Variants in SH3KBP1 observed in about 807,000 individuals in gnomAD.
SH3KBP1 encodes the protein SH3 domain-containing kinase-binding protein 1.
A neutral mutation model predicts 50.1 loss-of-function variants in SH3KBP1; 8 were observed. The ratio of observed to expected loss-of-function variants is 0.16; its 90% CI spans 0.09 to 0.29. The LOEUF is 0.29. SH3KBP1 is among the 10% of genes least tolerant of loss of function. The pLI, the probability that SH3KBP1 is intolerant of heterozygous loss-of-function variation, is 1.00. For synonymous variants in SH3KBP1, 227 were observed against 218.6 expected, an observed-to-expected ratio of 1.04 and a Z score of -0.34; for missense variants, 377 against 535.2, an observed-to-expected ratio of 0.70 and a Z score of 2.92.
At chrX:19,576,855 T>C (rs1259617020) in intron 12 of SH3KBP1, among the ~76,000 whole-genome samples, 1 of 111,517 alleles carries the variant, frequency 9.0e-6, no homozygotes, top group Admixed American at 9.4e-5. Context: ...TGTCAGCTAT[T>C]CCAGGGACCA....
At chrX:19,554,660 C>G (rs757149326) in intron 13 of SH3KBP1, among the ~76,000 whole-genome samples, 1 of 110,716 alleles carries the variant, frequency 9.0e-6, no homozygotes, top group Non-Finnish European at 1.9e-5. Context: ...CCTCGGCCTC[C>G]CAAAGTGCTG....
chrX:19,698,605 C>T (rs2063475535), intron 4 of SH3KBP1, among the ~76,000 whole-genome samples: 3 of 111,943 alleles, frequency 2.7e-5, no homozygotes, highest in South Asian at 7.5e-4. Flanking sequence ...GGGCACGATG[C>T]TCATTTTTCT....
chrX:19,876,366 CA>C (rs1014249558), intron 1 of SH3KBP1, among the ~76,000 whole-genome samples: 2 of 110,713 alleles, frequency 1.8e-5, no homozygotes, highest in African/African-American at 6.6e-5. Flanking sequence ...GTCAAGAAAA[CA>C]AAAACAAACA....
chrX:19,585,667 C>T (rs2066544034), intron 12 of SH3KBP1, among the ~76,000 whole-genome samples: 1 of 108,465 alleles, frequency 9.2e-6, no homozygotes, highest in Admixed American at 9.9e-5. Context: ...ATGGGTGTCA[C>T]GGTGTGGATT....
chrX:19,859,892 T>C (rs1053133270), intron 1 of SH3KBP1, among the ~76,000 whole-genome samples: 1 of 111,369 alleles, frequency 9.0e-6, no homozygotes, highest in Non-Finnish European at 1.9e-5. Flanking sequence ...CAGTCAGGGA[T>C]GGGAAACACA....
intron 2 of SH3KBP1, among the ~76,000 whole-genome samples, chrX:19,753,068 C>T (rs2065112435): frequency 8.9e-6 from 1 of 112,045 alleles, no homozygotes; most frequent in African/African-American, 3.2e-5. Flanking sequence ...TATTGGCACA[C>T]AGAGCAGGCT....
At chrX:19,818,073 G>A (rs749566397) in intron 2 of SH3KBP1, among the ~76,000 whole-genome samples, 4 of 112,186 alleles carry the variant, frequency 3.6e-5, no homozygotes, top group East Asian at 5.6e-4. Flanking sequence ...TATCACCTAC[G>A]TTTGTATAAG....
chrX:19,673,268 A>G (rs1213621939), intron 6 of SH3KBP1, among the ~76,000 whole-genome samples: 1 of 111,325 alleles, frequency 9.0e-6, no homozygotes, highest in Non-Finnish European at 1.9e-5. Context: ...GTATATATAA[A>G]TAAACACATA....
chrX:19,730,026 A>G (rs1281962656), intron 3 of SH3KBP1, among the ~76,000 whole-genome samples: 2 of 111,228 alleles, frequency 1.8e-5, no homozygotes, highest in Non-Finnish European at 3.8e-5. Context: ...TTTTGTACAT[A>G]GTTTCAACTG....
chrX:19,836,056 G>A (rs1442029547), intron 2 of SH3KBP1, 69 bp downstream of exon 2: 4 of 1,017,274 alleles, frequency 3.9e-6, no homozygotes, highest in Non-Finnish European at 5.4e-6. Flanking sequence ...TCATCCTCAA[G>A]CGCCCCCATA....
chrX:19,598,989 T>TA (rs952430943), intron 9 of SH3KBP1, among the ~76,000 whole-genome samples: 2 of 111,976 alleles, frequency 1.8e-5, no homozygotes, highest in African/African-American at 6.5e-5. Context: ...ATTGAATTTG[T>TA]AAAAAACGCA....
chrX:19,639,167 G>A (rs1368983468), intron 7 of SH3KBP1, among the ~76,000 whole-genome samples: 1 of 111,328 alleles, frequency 9.0e-6, no homozygotes, highest in African/African-American at 3.3e-5. Context: ...AATGAAACAC[G>A]ATGTGTCCGT....
chrX:19,721,105 G>C (rs773166487), intron 3 of SH3KBP1, among the ~76,000 whole-genome samples: 6 of 110,796 alleles, frequency 5.4e-5, no homozygotes, highest in Admixed American at 2.9e-4. Context: ...ATCCCCATCA[G>C]AATAAAGAGG....
At chrX:19,650,302 T>C (rs751863669) in intron 6 of SH3KBP1, among the ~76,000 whole-genome samples, 95 of 112,503 alleles carry the variant, frequency 8.4e-4, no homozygotes, top group Middle Eastern at 4.7e-3. Context: ...GAAAGAGGTT[T>C]AATTGACTCA....
intron 16 of SH3KBP1, among the ~76,000 whole-genome samples, chrX:19,541,487 A>AC (rs2064895968): frequency 8.9e-6 from 1 of 111,998 alleles, no homozygotes; most frequent in African/African-American, 3.2e-5. Context: ...CATTACTGGT[A>AC]CCTCAATGCA....
At position 19,561,443 on chromosome X, in the gene SH3KBP1, C is replaced by CA. The variant is rs202117806; in HGVS notation, c.1384+7659dup. ...AAATTACAAGTAATCCTATCTCTAT[C>CA]AAAAAAAAAAGTTAATCTGCTAATT... On this transcript the variant is annotated intron_variant, in intron 13 of 17. Coordinates refer to ENST00000397821, the MANE Select transcript of SH3KBP1 (RefSeq NM_031892.3). Among the ~76,000 whole-genome samples, 316 of 107,787 alleles carry CA rather than the reference C, an allele frequency of 2.9e-3. 3 individuals carry two copies. Among genetic ancestry groups the CA allele is most frequent in the African/African-American group, 1.0e-2 (297 of 29,798 alleles). 93.6% of individuals were successfully genotyped at this position (107,787 alleles called of 115,157 possible).
chrX:19,626,825 A>ACTC (rs1230812872), intron 8 of SH3KBP1, among the ~76,000 whole-genome samples: 1 of 110,613 alleles, frequency 9.0e-6, no homozygotes, highest in African/African-American at 3.3e-5. Flanking sequence ...CGTCTCAGCC[A>ACTC]CTCAAACTGC....
At chrX:19,706,778 C>A in intron 4 of SH3KBP1, 103 bp downstream of exon 4, 1 of 610,256 alleles carries the variant, frequency 1.6e-6, no homozygotes, top group Non-Finnish European at 2.6e-6. Flanking sequence ...AACTTCAAGG[C>A]CAAACAGCCT....
intron 2 of SH3KBP1, among the ~76,000 whole-genome samples, chrX:19,795,939 A>G (rs5909130): frequency 0.013 from 1,500 of 111,587 alleles, 12 homozygotes; most frequent in Non-Finnish European, 0.02. Context: ...TATATAAACT[A>G]AGCATAGTTT....
Sources: allele counts gnomAD v4.1 joint callset (sites outside exome capture counted in the v4.1 genomes callset), GRCh38; gene constraint gnomAD v4.1.1; transcripts MANE v1.5; gene names NCBI Gene and HGNC (gene_info 2026-07-23, HGNC 2026-07-21).